The following MEF2A variants were observed in gnomAD, a reference collection of about 807,000 sequenced individuals.
MEF2A encodes the protein myocyte-specific enhancer factor 2A.
In MEF2A, 28 loss-of-function variants were observed where a neutral mutation model predicts 55.8. The ratio of observed to expected loss-of-function variants is 0.50; its 90% CI spans 0.37 to 0.69. MEF2A has a LOEUF of 0.69. Among genes scored for constraint, MEF2A ranks in the 30% least tolerant of loss-of-function variants. The pLI, the probability that MEF2A is intolerant of heterozygous loss-of-function variation, is 0.00. For missense variants in MEF2A, 528 were observed against 626.2 expected (o/e 0.84, Z 1.67); for synonymous variants, 239 against 227.1 (o/e 1.05, Z -0.47).
In MEF2A at chr15:99,645,731, T is replaced by C; in HGVS notation, c.225T>C (p.Pro75=). 6.2e-7 allele frequency: 1 copy of C among 1,609,688 alleles called. No individual in the cohort carries two copies. The highest frequency in any genetic ancestry group is 8.5e-7 in the Non-Finnish European group (1 of 1,177,450). The change falls in exon 4 of 12, where the codon CCT becomes CCC. Residue 75 remains proline (P), a synonymous_variant. Coordinates refer to ENST00000557942, the MANE Select transcript of MEF2A (RefSeq NM_001319206.4). Reference sequence around the variant, plus strand: ...TCAAGTATACAGAATATAATGAACCTCATGAAAGCAGAACCAACTCGGATA... The same window carrying C: ...TCAAGTATACAGAATATAATGAACCCCATGAAAGCAGAACCAACTCGGATA... ...VLLKYTEYNE[P]HESRTNSDIV...
chr15:99,671,680 T>G (rs1172755214), intron 5 of MEF2A: 1 of 1,540,616 alleles, frequency 6.5e-7, no homozygotes, highest in African/African-American at 1.4e-5. Flanking sequence ...GTATGGTTTG[T>G]GCTTTTATCT....
Position 99,686,723 on chromosome 15 carries a change from C to T in MEF2A, c.671-3518C>T, listed in dbSNP as rs951346618. Among the ~76,000 whole-genome samples, 5 of 152,136 alleles carry T rather than the reference C, an allele frequency of 3.3e-5. No homozygotes were observed. In the South Asian group the frequency reaches 6.2e-4, roughly 19 times the overall value. ...GTGACAATCTTTTTGCAATGAATTT[C>T]CCAGGTCTTTGAGCTTTTTGTATTT... On this transcript the variant is annotated intron_variant, in intron 7 of 11. Coordinates refer to ENST00000557942, the MANE Select transcript of MEF2A (RefSeq NM_001319206.4).
intron 1 of MEF2A, among the ~76,000 whole-genome samples, chr15:99,571,052 G>T (rs931654854): frequency 6.6e-6 from 1 of 151,880 alleles, no homozygotes; most frequent in African/African-American, 2.4e-5. Context: ...GGGCATAGTG[G>T]CTCACACCTG....
intron 11 of MEF2A, among the ~76,000 whole-genome samples, chr15:99,711,409 G>C (rs1206302964): frequency 2.0e-5 from 3 of 152,336 alleles, no homozygotes; most frequent in Non-Finnish European, 4.4e-5. Context: ...AAGGATATAA[G>C]CAAAGAGGAT....
rs71149484 is a variant in MEF2A at position 99,687,084 on chromosome 15, C to CTTTTTTTTTTTTTTT, written c.671-3146_671-3132dup. Among the ~76,000 whole-genome samples the CTTTTTTTTTTTTTTT allele has an allele frequency of 1.3e-4, 9 of 67,762 alleles. 1 individual carries two copies. The highest frequency in any genetic ancestry group is 2.3e-4 in the Non-Finnish European group (9 of 38,656). The allele number at this position is 67,762 out of a possible 152,430, so 44.5% of individuals were successfully genotyped here. A position where few individuals can be genotyped will look rare whatever the true frequency, so the allele number is the denominator to read the frequency against. ...ACACCACCATGTCCTATTAATTTTT[C>CTTTTTTTTTTTTTTT]TTTTTTTTTTTTTTTTTTTTTTTTT... On this transcript the variant is annotated intron_variant, in intron 7 of 11. Coordinates refer to ENST00000557942, the MANE Select transcript of MEF2A (RefSeq NM_001319206.4).
chr15:99,665,731 CAA>C (rs752473261), intron 4 of MEF2A, among the ~76,000 whole-genome samples: 165 of 20,228 alleles, frequency 8.2e-3, no homozygotes, highest in African/African-American at 0.024. Context: ...CTTAAATTTA[CAA>C]AAAAAAAAAA....
chr15:99,609,131 C>T (rs1976230074), intron 2 of MEF2A, among the ~76,000 whole-genome samples: 1 of 152,130 alleles, frequency 6.6e-6, no homozygotes, highest in Non-Finnish European at 1.5e-5. Flanking sequence ...GCTTTCAGAC[C>T]CCACCTGCTC....
intron 4 of MEF2A, among the ~76,000 whole-genome samples, chr15:99,650,662 C>G (rs2046708228): frequency 6.6e-6 from 1 of 152,114 alleles, no homozygotes. Flanking sequence ...GAAGTAACAT[C>G]TGAAAGAAAG....
intron 1 of MEF2A, among the ~76,000 whole-genome samples, chr15:99,588,869 A>G (rs1395492436): frequency 1.3e-5 from 2 of 152,070 alleles, no homozygotes; most frequent in Admixed American, 1.3e-4. Context: ...AGTGAATTAC[A>G]TTGATTTTTG....
At chr15:99,581,684 A>G (rs1279753080) in intron 1 of MEF2A, among the ~76,000 whole-genome samples, 4 of 152,170 alleles carry the variant, frequency 2.6e-5, no homozygotes, top group Non-Finnish European at 4.4e-5. Context: ...GGAAACATAT[A>G]TAAGATATAG....
intron 1 of MEF2A, among the ~76,000 whole-genome samples, chr15:99,572,013 G>GTTTTTTTTTTTTTTTT (rs36027608): frequency 2.3e-5 from 3 of 128,374 alleles, no homozygotes; most frequent in Non-Finnish European, 3.3e-5. Flanking sequence ...CTCCATAGAA[G>GTTTTTTTTTTTTTTTT]TTTTTTTTTT....
intron 1 of MEF2A, among the ~76,000 whole-genome samples, chr15:99,578,811 TA>T (rs1245662128): frequency 1.3e-5 from 2 of 152,174 alleles, no homozygotes; most frequent in African/African-American, 4.8e-5. Flanking sequence ...ACTGACACAG[TA>T]AAAGAAAGGA....
chr15:99,635,884 A>C (rs916462999), intron 3 of MEF2A, among the ~76,000 whole-genome samples: 2 of 152,184 alleles, frequency 1.3e-5, no homozygotes, highest in African/African-American at 4.8e-5. Context: ...TGAAGACTGT[A>C]ATTTTGAATA....
intron 3 of MEF2A, among the ~76,000 whole-genome samples, chr15:99,637,716 C>T (rs1053417761): frequency 6.6e-6 from 1 of 152,114 alleles, no homozygotes; most frequent in Non-Finnish European, 1.5e-5. Context: ...GCTGTCGGCT[C>T]ACTGCAAGCT....
In MEF2A at chr15:99,700,183, T is replaced by TACAC. The variant is rs1381649060; in HGVS notation, c.859-3178_859-3177insCACA. On this transcript the variant is annotated intron_variant, in intron 8 of 11. Coordinates refer to ENST00000557942, the MANE Select transcript of MEF2A (RefSeq NM_001319206.4). ...AGACACATACGTATATATGTGTGTA[T>TACAC]ATATACACACACACACACACACACA... 2.8e-3 allele frequency among the ~76,000 whole-genome samples: 130 copies of TACAC among 46,520 alleles called. 1 individual carries two copies. The highest frequency in any genetic ancestry group is 4.3e-3 in the Non-Finnish European group (91 of 21,008). 30.5% of individuals were successfully genotyped at this position (46,520 alleles called of 152,430 possible).
chr15:99,571,076 C>G (rs1036630439), intron 1 of MEF2A, among the ~76,000 whole-genome samples: 1 of 151,806 alleles, frequency 6.6e-6, no homozygotes, highest in African/African-American at 2.4e-5. Flanking sequence ...TCCCGCCACT[C>G]TGGAGGCTTA....
chr15:99,710,525 G>A, intron 10 of MEF2A, 109 bp from the exon 11 acceptor site: 1 of 1,394,140 alleles, frequency 7.2e-7, no homozygotes, highest in South Asian at 1.3e-5. Flanking sequence ...TTACTGGCAT[G>A]AGCCAGCATG....
At chr15:99,702,337 C>G (rs991568823) in intron 8 of MEF2A, among the ~76,000 whole-genome samples, 1 of 151,958 alleles carries the variant, frequency 6.6e-6, no homozygotes, top group Admixed American at 6.6e-5. Flanking sequence ...AGAAGCTTAA[C>G]TTACTCAAGT....
intron 2 of MEF2A, among the ~76,000 whole-genome samples, chr15:99,618,243 G>A (rs1464959470): frequency 6.6e-6 from 1 of 152,134 alleles, no homozygotes; most frequent in Non-Finnish European, 1.5e-5. Context: ...CACTTGTGTA[G>A]TATTTTGGCT....
Sources: allele counts gnomAD v4.1 joint callset (sites outside exome capture counted in the v4.1 genomes callset), GRCh38; gene constraint gnomAD v4.1.1; transcripts MANE v1.5; gene names NCBI Gene and HGNC (gene_info 2026-07-23, HGNC 2026-07-21).